Variants in TCF20 observed in about 807,000 individuals in gnomAD.
TCF20 encodes transcription factor 20.
A neutral mutation model predicts 148.6 loss-of-function variants in TCF20; 3 were observed. That is an observed-to-expected ratio of 0.02 (90% CI 0.01 to 0.05). TCF20 has a LOEUF of 0.05. TCF20 is among the 10% of genes least tolerant of loss of function. TCF20 has a pLI of 1.00. For synonymous variants in TCF20, 1,049 were observed against 909.5 expected (o/e 1.15, Z -2.76); for missense variants, 2,350 against 2,429.3 (o/e 0.97, Z 0.69).
chr22:42,227,175 C>T (rs750643015), intron 1 of TCF20, among the ~76,000 whole-genome samples: 7 of 152,090 alleles, frequency 4.6e-5, no homozygotes, highest in Admixed American at 6.5e-5. Context: ...CCTAGCTACT[C>T]GAGTGGCTGA....
At chr22:42,331,952 C>T (rs1450358124) in intron 1 of TCF20, among the ~76,000 whole-genome samples, 2 of 152,206 alleles carry the variant, frequency 1.3e-5, no homozygotes, top group Admixed American at 6.5e-5. Context: ...TCCACTCATC[C>T]GCTCAACAAA....
intron 1 of TCF20, among the ~76,000 whole-genome samples, chr22:42,313,327 G>A (rs1243368274): frequency 6.6e-6 from 1 of 152,204 alleles, no homozygotes; most frequent in African/African-American, 2.4e-5. Context: ...AGCCAGAGGT[G>A]CCTAGACCTG....
In TCF20 at chr22:42,168,660, C is replaced by A; in HGVS notation, c.5876G>T (p.Arg1959Leu). ...ACGAGCACACTGCCCCCCTCACCCC[C>A]GCTCCGACTGCTCTGTGCTGAGGCT... ...KGSLSTEQSE[R>L]G Residue 1959 changes from arginine to leucine, a missense_variant, in exon 5 of 6, where the codon CGG becomes CTG. Around this residue, in one of 7 missense-constraint regions of TCF20, gnomAD observed 67 missense variants for 60.8 expected, o/e 1.10. Transcript: ENST00000677622. 1 of 1,604,422 alleles carries A rather than the reference C, an allele frequency of 6.2e-7. No individual in the cohort carries two copies. The highest frequency in any genetic ancestry group is 1.3e-5 in the African/African-American group (1 of 74,830).
chr22:42,316,332 AC>A (rs1384222036), intron 1 of TCF20, among the ~76,000 whole-genome samples: 1 of 151,966 alleles, frequency 6.6e-6, no homozygotes, highest in African/African-American at 2.4e-5. Flanking sequence ...CCAAACGCTG[AC>A]CCTGTGAAAA....
intron 1 of TCF20, among the ~76,000 whole-genome samples, chr22:42,259,447 GATATACATGCAACCTCCA>G (rs1229465961): frequency 6.6e-6 from 1 of 152,174 alleles, no homozygotes; most frequent in Non-Finnish European, 1.5e-5. Context: ...CTGGAATTAT[GATATACATGCAACCTCCA>G]AGTCTTAATC....
intron 1 of TCF20, among the ~76,000 whole-genome samples, chr22:42,303,410 T>G (rs1045429124): frequency 6.6e-6 from 1 of 152,246 alleles, no homozygotes; most frequent in Non-Finnish European, 1.5e-5. Context: ...CTCATCCTAG[T>G]GGACACTCCG....
intron 5 of TCF20, 56 bp from the exon 6 acceptor site, chr22:42,161,414 A>AAC: frequency 6.2e-7 from 1 of 1,612,604 alleles, no homozygotes; most frequent in Middle Eastern, 1.7e-4. Context: ...GTCCACCACC[A>AAC]ACAGCCGCTG....
intron 1 of TCF20, among the ~76,000 whole-genome samples, chr22:42,334,874 GTGAGT>G (rs1285104842): frequency 1.3e-5 from 2 of 152,178 alleles, no homozygotes; most frequent in African/African-American, 4.8e-5. Flanking sequence ...AGTCCTTTGT[GTGAGT>G]TGTCGGAAGG....
At chr22:42,193,044 T>C (rs938999468) in intron 2 of TCF20, among the ~76,000 whole-genome samples, 1 of 152,198 alleles carries the variant, frequency 6.6e-6, no homozygotes, top group Non-Finnish European at 1.5e-5. Context: ...TTTAGAACTA[T>C]TGGTTCAATT....
At chr22:42,245,785 T>C (rs1924852941) in intron 1 of TCF20, among the ~76,000 whole-genome samples, 1 of 152,164 alleles carries the variant, frequency 6.6e-6, no homozygotes, top group Non-Finnish European at 1.5e-5. Flanking sequence ...AAATTTTATT[T>C]ATGTATTTTT....
chr22:42,306,690 G>A (rs1036136947), intron 1 of TCF20, among the ~76,000 whole-genome samples: 3 of 152,204 alleles, frequency 2.0e-5, no homozygotes, highest in Admixed American at 6.5e-5. Flanking sequence ...TGGAGCTGCC[G>A]TAGGCATTTT....
At chr22:42,227,984 A>G (rs1392238464) in intron 1 of TCF20, among the ~76,000 whole-genome samples, 1 of 152,230 alleles carries the variant, frequency 6.6e-6, no homozygotes, top group East Asian at 1.9e-4. Context: ...CAAGTCACAC[A>G]TATGTTACTG....
chr22:42,200,076 AAAGC>A (rs1937896912), intron 2 of TCF20, among the ~76,000 whole-genome samples: 1 of 152,220 alleles, frequency 6.6e-6, no homozygotes, highest in African/African-American at 2.4e-5. Context: ...GGCTAAATAA[AAAGC>A]AAGCAGTTAT....
At chr22:42,259,599 C>T (rs1473825448) in intron 1 of TCF20, among the ~76,000 whole-genome samples, 1 of 152,170 alleles carries the variant, frequency 6.6e-6, no homozygotes, top group Non-Finnish European at 1.5e-5. Context: ...TATTCGCTTC[C>T]TCAGTTGTTT....
chr22:42,192,777 C>G (rs763448977), intron 2 of TCF20, among the ~76,000 whole-genome samples: 1 of 152,188 alleles, frequency 6.6e-6, no homozygotes, highest in African/African-American at 2.4e-5. Context: ...AGGTCATGCT[C>G]AAACCGGGGC....
At chr22:42,303,655 C>T (rs1927379369) in intron 1 of TCF20, among the ~76,000 whole-genome samples, 1 of 152,230 alleles carries the variant, frequency 6.6e-6, no homozygotes, top group African/African-American at 2.4e-5. Context: ...GCCACACTCC[C>T]ACCCTCAGCT....
At position 42,213,298 on chromosome 22, in the gene TCF20, C is replaced by T. The variant is rs772027353; in HGVS notation, c.2008G>A (p.Asp670Asn). 13 of 1,614,062 alleles carry T rather than the reference C, an allele frequency of 8.1e-6. No homozygotes were observed. The highest frequency in any genetic ancestry group is 4.5e-5 in the East Asian group (2 of 44,902). ...TCTCCATTATGGTTGGAGTTGTTAT[C>T]GCCATTCTTGTTTCCTTTGCTCCCT... ...GGGSKGNKNG[D>N]NNSNHNGEGN... Residue 670 changes from aspartate (D) to asparagine (N), a missense_variant, in exon 2 of 6, where the codon GAT (aspartate) becomes AAT (asparagine). By Grantham distance (23) the Asp-to-Asn change is conservative. Coordinates refer to ENST00000677622, the MANE Select transcript of TCF20 (RefSeq NM_001378418.1).
chr22:42,264,330 T>C (rs967695486), intron 1 of TCF20, among the ~76,000 whole-genome samples: 8 of 152,156 alleles, frequency 5.3e-5, no homozygotes, highest in African/African-American at 1.9e-4. Flanking sequence ...GAATGTTTCC[T>C]ACACTGTCTA....
chr22:42,332,197 G>A (rs761426875), intron 1 of TCF20, among the ~76,000 whole-genome samples: 1 of 152,244 alleles, frequency 6.6e-6, no homozygotes, highest in Non-Finnish European at 1.5e-5. Flanking sequence ...GGAAGGCCCT[G>A]CCTGGCAGAG....
Sources: gnomAD v4.1 joint callset for allele counts (sites outside exome capture counted in the v4.1 genomes callset) on GRCh38, gnomAD v4.1.1 for gene constraint, gnomAD v4.1.1 regional missense constraint, MANE v1.5 for transcripts, NCBI Gene and HGNC (gene_info 2026-07-23, HGNC 2026-07-21) for gene names.